The following GRIK3 variants were observed in gnomAD, a reference collection of about 807,000 sequenced individuals.
GRIK3 encodes the protein glutamate ionotropic receptor kainate type subunit 3.
A neutral mutation model predicts 102.5 loss-of-function variants in GRIK3; 29 were observed. The observed-to-expected ratio is 0.28, with a 90% CI of 0.21 to 0.39. GRIK3 has a LOEUF of 0.39. GRIK3 is among the 10% of genes least tolerant of loss of function. GRIK3 has a pLI of 1.00. For synonymous variants in GRIK3, 511 were observed against 504.9 expected, an observed-to-expected ratio of 1.01 and a Z score of -0.16; for missense variants, 908 against 1,252.4, an observed-to-expected ratio of 0.73 and a Z score of 4.15.
At chr1:37,018,969 G>A (rs1363231953) in intron 1 of GRIK3, among the ~76,000 whole-genome samples, 1 of 152,140 alleles carries the variant, frequency 6.6e-6, no homozygotes, top group Non-Finnish European at 1.5e-5. Flanking sequence ...CGAAGCGACT[G>A]ACTTCCAAGC....
At chr1:37,010,525 T>C (rs1478696858) in intron 1 of GRIK3, among the ~76,000 whole-genome samples, 1 of 152,048 alleles carries the variant, frequency 6.6e-6, no homozygotes, top group South Asian at 2.1e-4. Flanking sequence ...TGTGCTACAA[T>C]GATGCTCCTG....
intron 8 of GRIK3, among the ~76,000 whole-genome samples, chr1:36,852,271 C>T (rs1309573731): frequency 1.3e-5 from 2 of 152,146 alleles, no homozygotes; most frequent in Non-Finnish European, 2.9e-5. Context: ...GTGGGAAAGT[C>T]GGGAGAGACT....
rs771140864 is a variant in GRIK3, at chr1:36,817,095, C to T, written c.2056G>A (p.Ala686Thr). The T allele has an allele frequency of 1.2e-6, 2 of 1,613,882 alleles. No homozygotes were observed. The highest frequency in any genetic ancestry group is 2.7e-5 in the African/African-American group (2 of 74,900). The change falls in exon 13 of 16, where the codon GCT (alanine) becomes ACT (threonine). Residue 686 changes from alanine to threonine, a missense_variant. By Grantham distance (58) the Ala-to-Thr change is moderately conservative. This residue lies in a region of GRIK3 where 297 missense variants were observed against 362.7 expected (regional missense o/e 0.82). Transcript: ENST00000373091. ...LAKQTKIEYG[A>T]VKDGATMTFF... is the part of the protein sequence containing the mutation. Reference sequence around the variant, plus strand: ...GTCATGGTGGCCCCATCCTTGACAGCCCCATACTCGATTTTGGTTTGCTTG... The same window carrying T: ...GTCATGGTGGCCCCATCCTTGACAGTCCCATACTCGATTTTGGTTTGCTTG...
intron 10 of GRIK3, among the ~76,000 whole-genome samples, chr1:36,827,230 C>A (rs773656570): frequency 6.6e-6 from 1 of 152,182 alleles, no homozygotes; most frequent in Non-Finnish European, 1.5e-5. Flanking sequence ...GGAGTCTCTG[C>A]TTCTTTTCTC....
chr1:36,881,257 CA>C (rs1640973792), intron 2 of GRIK3, among the ~76,000 whole-genome samples: 1 of 152,146 alleles, frequency 6.6e-6, no homozygotes, highest in African/African-American at 2.4e-5. Flanking sequence ...ACTTGAGAAA[CA>C]AATAGAATCA....
intron 1 of GRIK3, among the ~76,000 whole-genome samples, chr1:37,002,132 T>C (rs982512636): frequency 1.3e-5 from 2 of 152,244 alleles, no homozygotes; most frequent in African/African-American, 4.8e-5. Context: ...TACTAGCTTC[T>C]GCCAATGTTG....
intron 4 of GRIK3, among the ~76,000 whole-genome samples, chr1:36,870,186 C>T (rs1640827771): frequency 6.6e-6 from 1 of 152,200 alleles, no homozygotes. Flanking sequence ...GGACTCCACT[C>T]AGCTGAGCTC....
intron 8 of GRIK3, among the ~76,000 whole-genome samples, chr1:36,852,991 A>G (rs1383650532): frequency 6.6e-6 from 1 of 152,198 alleles, no homozygotes; most frequent in Non-Finnish European, 1.5e-5. Flanking sequence ...GCCAGATGGG[A>G]GGCCCCAGCC....
At chr1:36,906,378 A>C (rs1053681021) in intron 1 of GRIK3, among the ~76,000 whole-genome samples, 3 of 152,238 alleles carry the variant, frequency 2.0e-5, no homozygotes, top group Non-Finnish European at 4.4e-5. Context: ...TACACATCTC[A>C]GAGGGCTGAT....
intron 1 of GRIK3, among the ~76,000 whole-genome samples, chr1:36,965,722 G>T (rs1019768439): frequency 2.0e-5 from 3 of 152,194 alleles, no homozygotes; most frequent in Admixed American, 1.3e-4. Context: ...CGGGAATTTT[G>T]TTCCCAGGGA....
intron 1 of GRIK3, among the ~76,000 whole-genome samples, chr1:36,906,871 CTT>C (rs1294328301): frequency 1.3e-5 from 2 of 152,218 alleles, no homozygotes; most frequent in South Asian, 4.1e-4. Context: ...TTTACAATAA[CTT>C]ATTGTTTATT....
intron 1 of GRIK3, among the ~76,000 whole-genome samples, chr1:36,968,594 T>C (rs1438409423): frequency 2.6e-5 from 4 of 152,222 alleles, no homozygotes; most frequent in Admixed American, 2.6e-4. Flanking sequence ...CTCTCTCACA[T>C]GCACCTAGTC....
At chr1:36,993,081 G>A (rs1040866869) in intron 1 of GRIK3, among the ~76,000 whole-genome samples, 1 of 152,126 alleles carries the variant, frequency 6.6e-6, no homozygotes, top group Non-Finnish European at 1.5e-5. Flanking sequence ...GGGGGCAAGG[G>A]GAGGGGCATG....
chr1:36,825,708 G>A lies in GRIK3; in HGVS notation c.1649C>T (p.Thr550Ile), dbSNP rs754394443. ...GAGGAAGGAGAAGACGCTGGGGTTG[G>A]TGCCATTGGGCTTTCGATACAGGAT... is the stretch of plus-strand genomic sequence containing the variant. ...VSILYRKPNGTNPSVFSFLNP... is the reference protein window; with the variant it reads ...VSILYRKPNGINPSVFSFLNP... Residue 550 changes from threonine (T) to isoleucine (I), a missense_variant, in exon 11 of 16, where the codon ACC becomes ATC. Transcript: ENST00000373091. 1.9e-6 allele frequency: 3 copies of A among 1,613,970 alleles called. No individual in the cohort carries two copies. Among genetic ancestry groups the A allele is most frequent in the East Asian group, 2.2e-5 (1 of 44,866 alleles).
At chr1:36,890,449 G>A (rs1363614281) in intron 2 of GRIK3, among the ~76,000 whole-genome samples, 1 of 151,380 alleles carries the variant, frequency 6.6e-6, no homozygotes, top group Admixed American at 6.6e-5. Flanking sequence ...GGGCAACAGA[G>A]TGAGACTCTG....
intron 1 of GRIK3, among the ~76,000 whole-genome samples, chr1:36,971,631 G>C (rs994439591): frequency 6.6e-6 from 1 of 152,168 alleles, no homozygotes; most frequent in African/African-American, 2.4e-5. Flanking sequence ...TTGGATATCA[G>C]AAGCCTCTTA....
intron 1 of GRIK3, among the ~76,000 whole-genome samples, chr1:36,997,555 C>A (rs1027431653): frequency 5.9e-5 from 9 of 152,182 alleles, no homozygotes; most frequent in Admixed American, 2.6e-4. Context: ...CCAGGTGGGT[C>A]AGGTTGCAAC....
chr1:37,029,747 C>A (rs1642800813), intron 1 of GRIK3, among the ~76,000 whole-genome samples: 1 of 152,218 alleles, frequency 6.6e-6, no homozygotes. Context: ...AGGCTTACAG[C>A]CCCACAAAGG....
chr1:36,924,171 G>A (rs1406224646), intron 1 of GRIK3, among the ~76,000 whole-genome samples: 1 of 152,176 alleles, frequency 6.6e-6, no homozygotes, highest in East Asian at 1.9e-4. Flanking sequence ...TTTTGTGCCA[G>A]GGTTTCAGGA....
Sources: gnomAD v4.1 joint callset for allele counts (sites outside exome capture counted in the v4.1 genomes callset) on GRCh38, gnomAD v4.1.1 for gene constraint, gnomAD v4.1.1 regional missense constraint, MANE v1.5 for transcripts, NCBI Gene and HGNC (gene_info 2026-07-23, HGNC 2026-07-21) for gene names.